EXOC4: variants seen among roughly 807,000 people sequenced by gnomAD.
The protein encoded by EXOC4 is exocyst complex component 4.
EXOC4 carries 71 observed loss-of-function variants against 107.2 expected under a neutral mutation model. The ratio of observed to expected loss-of-function variants is 0.66; its 90% CI spans 0.55 to 0.81. EXOC4 has a LOEUF of 0.81. Ranked by LOEUF, EXOC4 falls within the 30% of genes least tolerant of loss-of-function variation. The probability of loss-of-function intolerance (pLI) is 0.00; values close to 1 mark genes in which losing one functional copy is unlikely to be tolerated. For missense variants in EXOC4, 1,108 were observed against 1,189.6 expected (o/e 0.93, Z 1.01); for synonymous variants, 456 against 441.2 (o/e 1.03, Z -0.42).
At chr7:133,883,564 G>A (rs1417976863) in intron 11 of EXOC4, among the ~76,000 whole-genome samples, 3 of 151,598 alleles carry the variant, frequency 2.0e-5, no homozygotes, top group Non-Finnish European at 4.4e-5. Flanking sequence ...GATTGCCTGA[G>A]CCCAGGAGTT....
chr7:133,441,840 G>A (rs1298973597), intron 7 of EXOC4, among the ~76,000 whole-genome samples: 2 of 152,200 alleles, frequency 1.3e-5, no homozygotes, highest in African/African-American at 4.8e-5. Flanking sequence ...TGGGGGGTGT[G>A]TGTGTGTATG....
chr7:133,712,094 T>C lies in EXOC4; in HGVS notation c.1514+81953T>C, dbSNP rs181893483. 9.2e-5 allele frequency among the ~76,000 whole-genome samples: 14 copies of C among 152,170 alleles called. No homozygotes were observed. The East Asian group carries it at 2.1e-3, about 23-fold the overall frequency. ...AGGTGTTACTTCAAGCCCACTAGGA[T>C]GGCTGTAACATAAGAATGCAAAATA... On this transcript the variant is annotated intron_variant, in intron 10 of 17. Transcript: ENST00000253861.
chr7:133,493,407 G>A (rs1217907369), intron 9 of EXOC4, among the ~76,000 whole-genome samples: 5 of 152,078 alleles, frequency 3.3e-5, no homozygotes, highest in East Asian at 1.9e-4. Context: ...ATTGCACTCC[G>A]GCCTGGGCGA....
rs148057961 is a variant in EXOC4 at position 133,722,747 on chromosome 7, G to C, written c.1514+92606G>C. 1.8e-4 allele frequency among the ~76,000 whole-genome samples: 27 copies of C among 152,332 alleles called. No individual in the cohort carries two copies. The East Asian group carries it at 5.0e-3, about 28-fold the overall frequency. ...ATTTCACTGCCATTCAAAATGCAAA[G>C]TGGTGTATAATATCACTACTCCAAA... On this transcript the variant is annotated intron_variant, in intron 10 of 17. Transcript: ENST00000253861.
intron 9 of EXOC4, among the ~76,000 whole-genome samples, chr7:133,572,907 A>G (rs1257661426): frequency 6.6e-6 from 1 of 152,232 alleles, no homozygotes; most frequent in African/African-American, 2.4e-5. Flanking sequence ...CCCACTATGA[A>G]AATGAGGATT....
intron 9 of EXOC4, among the ~76,000 whole-genome samples, chr7:133,538,083 T>C: frequency 6.6e-6 from 1 of 152,112 alleles, no homozygotes; most frequent in Non-Finnish European, 1.5e-5. Flanking sequence ...AGTTCAGAGG[T>C]TGGATAACTT....
At chr7:133,703,929 C>A (rs552463810) in intron 10 of EXOC4, among the ~76,000 whole-genome samples, 2 of 152,204 alleles carry the variant, frequency 1.3e-5, no homozygotes, top group African/African-American at 4.8e-5. Flanking sequence ...CTGTATAAAT[C>A]TTTAAAACAA....
intron 10 of EXOC4, among the ~76,000 whole-genome samples, chr7:133,658,621 C>T (rs751077004): frequency 6.6e-6 from 1 of 152,116 alleles, no homozygotes; most frequent in Non-Finnish European, 1.5e-5. Flanking sequence ...ACAGTCACCT[C>T]TTCTACAGAT....
rs142285585 is a variant in EXOC4 at position 134,048,390 on chromosome 7, A to G, written c.2688-15901A>G. Reference sequence around the variant, plus strand: ...CTGTTGTCATCAAAGTTTAACTATAAGCTAAGTTTCTCTCAAAGTTAGTTC... The same window carrying G: ...CTGTTGTCATCAAAGTTTAACTATAGGCTAAGTTTCTCTCAAAGTTAGTTC... On this transcript the variant is annotated intron_variant, in intron 17 of 17. Coordinates refer to ENST00000253861, the MANE Select transcript of EXOC4 (RefSeq NM_021807.4). Among the ~76,000 whole-genome samples the G allele has an allele frequency of 4.0e-3, 604 of 152,306 alleles. 6 individuals carry two copies. The highest frequency in any genetic ancestry group is 0.014 in the African/African-American group (573 of 41,574).
At chr7:134,083,449 A>G in the EXOC4 span, among the ~76,000 whole-genome samples, 1 of 152,198 alleles carries the variant, frequency 6.6e-6, no homozygotes, top group African/African-American at 2.4e-5. Flanking sequence ...ATCTCATGAT[A>G]CCATGGGTCA....
chr7:133,827,326 T>TA (rs1168857281), intron 11 of EXOC4, among the ~76,000 whole-genome samples: 1 of 152,184 alleles, frequency 6.6e-6, no homozygotes, highest in Non-Finnish European at 1.5e-5. Context: ...TTTCCATAAA[T>TA]ATCATTAACT....
At chr7:133,461,605 G>A (rs986745343) in intron 7 of EXOC4, among the ~76,000 whole-genome samples, 2 of 152,154 alleles carry the variant, frequency 1.3e-5, no homozygotes, top group Non-Finnish European at 2.9e-5. Flanking sequence ...TTTCCAAGAT[G>A]CATTAACTCT....
chr7:133,962,563 C>T (rs1248272590), intron 14 of EXOC4, among the ~76,000 whole-genome samples: 1 of 152,150 alleles, frequency 6.6e-6, no homozygotes, highest in Non-Finnish European at 1.5e-5. Flanking sequence ...TGGAGATGTA[C>T]CCCCAAGACA....
intron 17 of EXOC4, among the ~76,000 whole-genome samples, chr7:134,061,094 A>G (rs916293578): frequency 1.3e-5 from 2 of 152,188 alleles, no homozygotes; most frequent in Non-Finnish European, 2.9e-5. Flanking sequence ...TGGAAGATCC[A>G]AGAGTAGAAA....
chr7:133,739,772 A>G (rs1264482793), intron 10 of EXOC4, among the ~76,000 whole-genome samples: 1 of 152,222 alleles, frequency 6.6e-6, no homozygotes, highest in Non-Finnish European at 1.5e-5. Flanking sequence ...CAAGTTGCAC[A>G]TTAGAAAGCC....
chr7:133,283,837 G>C (rs900541784), intron 2 of EXOC4, among the ~76,000 whole-genome samples: 4 of 152,100 alleles, frequency 2.6e-5, no homozygotes, highest in African/African-American at 9.7e-5. Flanking sequence ...CCGGAACTTC[G>C]TACATTATTC....
intron 13 of EXOC4, among the ~76,000 whole-genome samples, chr7:133,937,237 A>G (rs535622952): frequency 2.0e-5 from 3 of 152,000 alleles, no homozygotes; most frequent in Non-Finnish European, 4.4e-5. Context: ...CGTGAAACCC[A>G]CTAGATTATA....
At chr7:133,602,977 A>G (rs1159567623) in intron 9 of EXOC4, among the ~76,000 whole-genome samples, 2 of 149,102 alleles carry the variant, frequency 1.3e-5, no homozygotes, top group Non-Finnish European at 3.0e-5. Context: ...TGTTTGTCTG[A>G]AAACAATTAT....
In EXOC4 at chr7:134,032,612, A is replaced by C. The variant is rs1331278946; in HGVS notation, c.2687+24777A>C. ...CACTGGTGAAGGGAGTGCGGTGGCCACCTTTCTGCCTGCAGAAGCAGCTGG... is the reference window on the plus strand; with the variant it reads ...CACTGGTGAAGGGAGTGCGGTGGCCCCCTTTCTGCCTGCAGAAGCAGCTGG... On this transcript the variant is annotated intron_variant, in intron 17 of 17. Transcript: ENST00000253861. 3.3e-5 allele frequency among the ~76,000 whole-genome samples: 5 copies of C among 152,306 alleles called. No homozygotes were observed. In the East Asian group the frequency reaches 9.7e-4, roughly 29 times the overall value.
Sources: gnomAD v4.1 joint callset for allele counts (sites outside exome capture counted in the v4.1 genomes callset) on GRCh38, gnomAD v4.1.1 for gene constraint, MANE v1.5 for transcripts, NCBI Gene and HGNC (gene_info 2026-07-23, HGNC 2026-07-21) for gene names.